CTSE: variants seen among roughly 807,000 people sequenced by gnomAD.
CTSE encodes cathepsin E.
Under a neutral mutation model 42.8 loss-of-function variants are expected in CTSE, and 43 were observed. The ratio of observed to expected loss-of-function variants is 1.01; its 90% CI spans 0.79 to 1.30. The LOEUF (loss-of-function observed/expected upper bound fraction) is 1.30, where lower values mean the gene tolerates loss of function less well. CTSE is among the 50% of genes most tolerant of loss of function. The pLI, the probability that CTSE is intolerant of heterozygous loss-of-function variation, is 0.00. For synonymous variants in CTSE, 205 were observed against 191.5 expected, an observed-to-expected ratio of 1.07 and a Z score of -0.58; for missense variants, 532 against 493.5, an observed-to-expected ratio of 1.08 and a Z score of -0.74.
At chr1:206,018,086 T>C (rs887888694) in intron 4 of CTSE, among the ~76,000 whole-genome samples, 3 of 152,062 alleles carry the variant, frequency 2.0e-5, no homozygotes, top group Middle Eastern at 3.2e-3. Flanking sequence ...AAGTTTGCTG[T>C]GGGCTTCTTT....
At chr1:206,021,599 G>T (rs1661426701) in intron 3 of CTSE, among the ~76,000 whole-genome samples, 1 of 151,914 alleles carries the variant, frequency 6.6e-6, no homozygotes, top group Admixed American at 6.6e-5. Context: ...TCTGTCTCTG[G>T]GACTTGTCCT....
chr1:206,010,074 G>A lies in CTSE; in HGVS notation c.*109C>T, dbSNP rs1165282601. ...TGGTCTTAATTCAAGTTGCAACCCT[G>A]GAAACAGCTACATTCTCTGGAAAAT... On this transcript the variant is annotated 3_prime_UTR_variant, in exon 9 of 9. Coordinates refer to ENST00000358184, the MANE Select transcript of CTSE (RefSeq NM_001910.4). The A allele has an allele frequency of 1.5e-5, 21 of 1,398,200 alleles. No individual in the cohort carries two copies. In the East Asian group the frequency reaches 3.9e-4, roughly 26 times the overall value. 86.6% of individuals were successfully genotyped at this position (1,398,200 alleles called of 1,614,324 possible).
intron 6 of CTSE, among the ~76,000 whole-genome samples, 182 bp from the exon 7 acceptor site, chr1:206,012,831 G>A (rs782568407): frequency 6.6e-6 from 1 of 151,868 alleles, no homozygotes; most frequent in Non-Finnish European, 1.5e-5. Context: ...TTGACCCAGT[G>A]CACACACACA....
Position 206,013,851 on chromosome 1 carries a change from A to G in CTSE, c.706T>C (p.Tyr236His), listed in dbSNP as rs868973983. The G allele has an allele frequency of 1.2e-6, 2 of 1,613,776 alleles. No individual in the cohort carries two copies. The highest frequency in any genetic ancestry group is 1.7e-6 in the Non-Finnish European group (2 of 1,179,802). The change falls in exon 6 of 9, where the codon TAC (tyrosine) becomes CAC (histidine). Residue 236 changes from tyrosine (Y) to histidine (H), a missense_variant. Transcript: ENST00000358184. Reference protein sequence around the residue: ...GAGSELIFGGYDHSHFSGSLN... With the variant: ...GAGSELIFGGHDHSHFSGSLN... Reference sequence around the variant, plus strand: ...CTCCCAGAGAAATGGGAGTGGTCGTAGCCTCCAAAAATCAGCTCGCTCCCC... The same window carrying G: ...CTCCCAGAGAAATGGGAGTGGTCGTGGCCTCCAAAAATCAGCTCGCTCCCC...
intron 1 of CTSE, 71 bp from the exon 2 acceptor site, chr1:206,023,128 T>G: frequency 7.1e-7 from 1 of 1,408,936 alleles, no homozygotes; most frequent in Admixed American, 1.8e-5. Context: ...TCGTCCCATT[T>G]TCTCAGGGGC....
Position 206,023,839 on chromosome 1 carries a change from C to T in CTSE, c.-48G>A. The T allele has an allele frequency of 6.3e-7, 1 of 1,594,374 alleles. No individual in the cohort carries two copies. The stretch of plus-strand genomic sequence containing the variant: ...TCCCTTGCCCCCTCCTTTCTTCTCT[C>T]CCCGAGGGCAGTGGGAACGGACTTT... On this transcript the variant is annotated 5_prime_UTR_variant, in exon 1 of 9. Transcript: ENST00000358184.
chr1:206,013,731 T>C, intron 6 of CTSE, 41 bp downstream of exon 6: 1 of 1,597,254 alleles, frequency 6.3e-7, no homozygotes, highest in Non-Finnish European at 8.6e-7. Flanking sequence ...CTCTTTTCAG[T>C]TTACCCCTAG....
At chr1:206,017,891 A>T (rs916813331) in intron 4 of CTSE, among the ~76,000 whole-genome samples, 1 of 152,058 alleles carries the variant, frequency 6.6e-6, no homozygotes. Flanking sequence ...GAATCTTGTC[A>T]TACATTAATA....
At position 206,013,867 on chromosome 1, in the gene CTSE, C is replaced by T; in HGVS notation, c.690G>A (p.Glu230=). 6.2e-7 allele frequency: 1 copy of T among 1,613,756 alleles called. No homozygotes were observed. The highest frequency in any genetic ancestry group is 8.5e-7 in the Non-Finnish European group (1 of 1,179,830). Residue 230 remains glutamate, a synonymous_variant, in exon 6 of 9, where the codon GAG becomes GAA. Coordinates refer to ENST00000358184, the MANE Select transcript of CTSE (RefSeq NM_001910.4). ...AGTGGTCGTAGCCTCCAAAAATCAGCTCGCTCCCCGCACCACCTTCTGGGT... is the reference window on the plus strand; with the variant it reads ...AGTGGTCGTAGCCTCCAAAAATCAGTTCGCTCCCCGCACCACCTTCTGGGT... ...SSNPEGGAGS[E]LIFGGYDHSH...
chr1:206,023,162 G>C (rs1661499683), intron 1 of CTSE, 105 bp from the exon 2 acceptor site: 1 of 850,822 alleles, frequency 1.2e-6, no homozygotes, highest in Non-Finnish European at 1.9e-6. Context: ...TGGGGTGGGA[G>C]GGGGGGATCT....
chr1:206,023,554 G>A (rs1048902910), intron 1 of CTSE, among the ~76,000 whole-genome samples, 170 bp downstream of exon 1: 1 of 151,898 alleles, frequency 6.6e-6, no homozygotes, highest in Non-Finnish European at 1.5e-5. Flanking sequence ...GAGGACTGGA[G>A]ATTAAGGCCA....
intron 4 of CTSE, among the ~76,000 whole-genome samples, chr1:206,019,729 T>C (rs1272423425): frequency 6.8e-6 from 1 of 147,094 alleles, no homozygotes; most frequent in African/African-American, 2.5e-5. Flanking sequence ...TGTCATAATA[T>C]ATATAGAATC....
rs149390455 is a variant in CTSE at position 206,021,163 on chromosome 1, C to G, written c.348G>C (p.Thr116=). 6.2e-7 allele frequency: 1 copy of G among 1,610,382 alleles called. No homozygotes were observed. The highest frequency in any genetic ancestry group is 8.5e-7 in the Non-Finnish European group (1 of 1,176,722). The change falls in exon 4 of 9, where the codon ACG becomes ACC. Residue 116 remains threonine (T), a synonymous_variant. Transcript: ENST00000358184. ...ACTGGGAAGGCTGGAACCTGCTGTG[C>G]GTCTCTGGAAAGAAGTGCACTGCTC... ...SVYCTSPACK[T]HSRFQPSQSS...
At position 206,012,625 on chromosome 1, in the gene CTSE, C is replaced by T; in HGVS notation, c.810G>A (p.Met270Ile). The change falls in exon 7 of 9, where the codon ATG (methionine) becomes ATA (isoleucine). Residue 270 changes from methionine to isoleucine, a missense_variant. Transcript: ENST00000358184. ...LDNIQVGGTV[M>I]FCSEGCQAIV... The stretch of plus-strand genomic sequence containing the variant: ...TGGCCTGGCAGCCCTCGGAGCAGAA[C>T]ATAACAGTGCCTCCCACCTGGATGC... 1 of 1,613,986 alleles carries T rather than the reference C, an allele frequency of 6.2e-7. No individual in the cohort carries two copies. The highest frequency in any genetic ancestry group is 8.5e-7 in the Non-Finnish European group (1 of 1,179,896).
At position 206,022,104 on chromosome 1, in the gene CTSE, G is replaced by A. The variant is rs782648264; in HGVS notation, c.343+46C>T. 5.8e-6 allele frequency: 8 copies of A among 1,387,828 alleles called. No individual in the cohort carries two copies. The Admixed American group carries it at 1.1e-4, about 20-fold the overall frequency. The allele number at this position is 1,387,828 out of a possible 1,614,324, so 86.0% of individuals were successfully genotyped here. On this transcript the variant is annotated intron_variant, in intron 3 of 8. Transcript: ENST00000358184. ...CAGAGTACCAGGCTTGGCCTCCCAG[G>A]ACTAGCCCCCAGACATTCTCTGCTG...
rs1661248374 is a variant in CTSE, at chr1:206,015,943, A to T, written c.650T>A (p.Val217Asp). 6.2e-7 allele frequency: 1 copy of T among 1,613,662 alleles called. No homozygotes were observed. Among genetic ancestry groups the T allele is most frequent in the South Asian group, 1.1e-5 (1 of 91,074 alleles). ...TGATGGGCCTTACCTGCTCATGTAG[A>T]CAGAAAACATCGGCAAGTCCACCAG... is the stretch of plus-strand genomic sequence containing the variant. ...QNLVDLPMFS[V>D]YMSSNPEGGA... The change falls in exon 5 of 9, where the codon GTC becomes GAC. Residue 217 changes from valine (V) to aspartate (D), a missense_variant. Physicochemically the swap from Val to Asp is radical, Grantham distance 152 (BLOSUM62 -3). Coordinates refer to ENST00000358184, the MANE Select transcript of CTSE (RefSeq NM_001910.4).
rs1553276722 is a variant in CTSE, at chr1:206,010,191, C to A, written c.1183G>T (p.Val395Phe). 1 of 1,613,736 alleles carries A rather than the reference C, an allele frequency of 6.2e-7. No individual in the cohort carries two copies. The highest frequency in any genetic ancestry group is 2.2e-5 in the East Asian group (1 of 44,874). ...GNNRVGLAPAVP is the reference protein window; with the variant it reads ...GNNRVGLAPAFP ...AGACACAAGGCCCCTCCTTAGGGGACTGCTGGGGCCAGTCCCACACGGTTA... is the reference window on the plus strand; with the variant it reads ...AGACACAAGGCCCCTCCTTAGGGGAATGCTGGGGCCAGTCCCACACGGTTA... Residue 395 changes from valine (V) to phenylalanine (F), a missense_variant, in exon 9 of 9, where the codon GTC becomes TTC. Val to Phe is a conservative substitution (Grantham distance 50). Coordinates refer to ENST00000358184, the MANE Select transcript of CTSE (RefSeq NM_001910.4).
At position 206,022,748 on chromosome 1, in the gene CTSE, G is replaced by A. The variant is rs1553278640; in HGVS notation, c.225+153C>T. ...TGGGGGCCTGCTTAGCCAACTCCATGGGGACCCAGGGAATCAGTCCCCATG... is the reference window on the plus strand; with the variant it reads ...TGGGGGCCTGCTTAGCCAACTCCATAGGGACCCAGGGAATCAGTCCCCATG... On this transcript the variant is annotated intron_variant, in intron 2 of 8. Transcript: ENST00000358184. Among the ~76,000 whole-genome samples, 2 of 151,934 alleles carry A rather than the reference G, an allele frequency of 1.3e-5. 1 individual carries two copies.
At position 206,013,905 on chromosome 1, in the gene CTSE, A is replaced by T. The variant is rs1431375888; in HGVS notation, c.663-11T>A. ...CCACCTTCTGGGTTACTACATGGAG[A>T]GAAAGACAAACTGTCCAGGAAGGGC... is the stretch of plus-strand genomic sequence containing the variant. On this transcript the variant is annotated splice_polypyrimidine_tract_variant and intron_variant, in intron 5 of 8. Coordinates refer to ENST00000358184, the MANE Select transcript of CTSE (RefSeq NM_001910.4). The T allele has an allele frequency of 2.5e-6, 4 of 1,613,226 alleles. No individual in the cohort carries two copies. Among genetic ancestry groups the T allele is most frequent in the Non-Finnish European group, 1.7e-6 (2 of 1,179,654 alleles).
Sources: gnomAD v4.1 joint callset for allele counts (sites outside exome capture counted in the v4.1 genomes callset) on GRCh38, gnomAD v4.1.1 for gene constraint, MANE v1.5 for transcripts, NCBI Gene and HGNC (gene_info 2026-07-23, HGNC 2026-07-21) for gene names.